The following ATP8A2 variants were observed in gnomAD, a reference collection of about 807,000 sequenced individuals.
ATP8A2 encodes the protein ATPase phospholipid transporting 8A2.
Under a neutral mutation model 165.6 loss-of-function variants are expected in ATP8A2, and 100 were observed. The observed-to-expected ratio is 0.60, with a 90% CI of 0.51 to 0.71. ATP8A2 has a LOEUF of 0.71. Among genes scored for constraint, ATP8A2 ranks in the 30% least tolerant of loss-of-function variants. The probability of loss-of-function intolerance (pLI) is 0.00; values close to 1 mark genes in which losing one functional copy is unlikely to be tolerated. For synonymous variants in ATP8A2, 543 were observed against 548.8 expected, an observed-to-expected ratio of 0.99 and a Z score of 0.15; for missense variants, 1,227 against 1,479.5, an observed-to-expected ratio of 0.83 and a Z score of 2.80.
At chr13:25,868,247 G>A (rs1430876639) in intron 33 of ATP8A2, 3 of 374,498 alleles carry the variant, frequency 8.0e-6, no homozygotes, top group South Asian at 3.9e-5. Context: ...AATTACTTTA[G>A]CACTGCAATT....
At chr13:25,655,264 A>G (rs375404435) in intron 24 of ATP8A2, among the ~76,000 whole-genome samples, 1 of 152,128 alleles carries the variant, frequency 6.6e-6, no homozygotes, top group East Asian at 1.9e-4. Flanking sequence ...GGTTCAAGCA[A>G]TCCTCCTGCC....
intron 33 of ATP8A2, among the ~76,000 whole-genome samples, chr13:25,937,362 C>CTTTT (rs1555293658): frequency 4.9e-4 from 19 of 38,782 alleles, no homozygotes; most frequent in Non-Finnish European, 5.5e-4. Flanking sequence ...TTCTTTCTTT[C>CTTTT]TTTTTTTTTT....
At chr13:25,640,127 A>G (rs1417290674) in intron 24 of ATP8A2, among the ~76,000 whole-genome samples, 1 of 152,210 alleles carries the variant, frequency 6.6e-6, no homozygotes, top group East Asian at 1.9e-4. Flanking sequence ...AATTTATAGC[A>G]CTAAATGCCC....
At chr13:25,946,626 C>T (rs1283026429) in intron 33 of ATP8A2, among the ~76,000 whole-genome samples, 1 of 152,192 alleles carries the variant, frequency 6.6e-6, no homozygotes, top group East Asian at 1.9e-4. Context: ...CGAGGGCACA[C>T]CCTGGGAGGC....
intron 33 of ATP8A2, among the ~76,000 whole-genome samples, chr13:25,906,200 C>G (rs990883233): frequency 1.3e-5 from 2 of 152,030 alleles, no homozygotes; most frequent in African/African-American, 4.8e-5. Flanking sequence ...TATTCCTCCC[C>G]CTTTATTTGC....
chr13:25,886,848 C>G (rs994666665), intron 33 of ATP8A2, among the ~76,000 whole-genome samples: 1 of 152,184 alleles, frequency 6.6e-6, no homozygotes, highest in Non-Finnish European at 1.5e-5. Flanking sequence ...CTTAGTACTA[C>G]ATAGGCTTTA....
intron 32 of ATP8A2, 40 bp downstream of exon 32, chr13:25,860,900 T>C (rs374598355): frequency 5.9e-6 from 8 of 1,352,736 alleles, no homozygotes; most frequent in African/African-American, 1.4e-5. Context: ...TCAGTATAGA[T>C]ATTTTTCATG....
chr13:25,845,948 G>A (rs1365643426), intron 30 of ATP8A2, among the ~76,000 whole-genome samples: 1 of 152,202 alleles, frequency 6.6e-6, no homozygotes, highest in Non-Finnish European at 1.5e-5. Flanking sequence ...GGCCGAGGCA[G>A]GCAGATCACC....
At chr13:25,671,233 T>G (rs2042256024) in intron 24 of ATP8A2, among the ~76,000 whole-genome samples, 1 of 152,194 alleles carries the variant, frequency 6.6e-6, no homozygotes, top group African/African-American at 2.4e-5. Context: ...TGTCTTTACT[T>G]TAGTCTCTCA....
chr13:25,715,404 C>T (rs547336455), intron 25 of ATP8A2, among the ~76,000 whole-genome samples: 5 of 152,290 alleles, frequency 3.3e-5, no homozygotes, highest in African/African-American at 7.2e-5. Flanking sequence ...AATTAGTATA[C>T]TCATACAGCA....
In ATP8A2 at chr13:25,404,945, G is replaced by A. The variant is rs188224258; in HGVS notation, c.76+32657G>A. ...AACCTCAACATCTAAGGGAGAAGCA[G>A]AGAGAGGAAGAGAAAGCTAGAAATG... On this transcript the variant is annotated intron_variant, in intron 1 of 36. Transcript: ENST00000381655. 1.2e-3 allele frequency among the ~76,000 whole-genome samples: 177 copies of A among 152,308 alleles called. 1 individual carries two copies. The highest frequency in any genetic ancestry group is 4.1e-3 in the African/African-American group (171 of 41,560).
intron 1 of ATP8A2, among the ~76,000 whole-genome samples, chr13:25,457,965 T>C (rs1318090569): frequency 1.3e-5 from 2 of 152,216 alleles, no homozygotes; most frequent in Non-Finnish European, 2.9e-5. Flanking sequence ...GGGTTAAGAC[T>C]GCTGATGGAA....
At position 25,536,396 on chromosome 13, in the gene ATP8A2, G is replaced by A. The variant is rs9581380; in HGVS notation, c.508-1592G>A. ...CTCCCAAAGTGTTGGGATTATAGGCGTGAGCCACTGTGCCTGGCCAAAATA... is the reference window on the plus strand; with the variant it reads ...CTCCCAAAGTGTTGGGATTATAGGCATGAGCCACTGTGCCTGGCCAAAATA... On this transcript the variant is annotated intron_variant, in intron 6 of 36. Transcript: ENST00000381655. Among the ~76,000 whole-genome samples, 818 of 152,176 alleles carry A rather than the reference G, an allele frequency of 5.4e-3. 10 individuals carry two copies. The highest frequency in any genetic ancestry group is 0.017 in the Middle Eastern group (5 of 294).
intron 32 of ATP8A2, among the ~76,000 whole-genome samples, chr13:25,861,913 A>G (rs180824401): frequency 6.6e-6 from 1 of 152,334 alleles, no homozygotes; most frequent in Admixed American, 6.5e-5. Flanking sequence ...GATAAATAAA[A>G]ACATCTTATT....
At chr13:25,690,369 G>A (rs866860149) in intron 24 of ATP8A2, among the ~76,000 whole-genome samples, 3 of 151,708 alleles carry the variant, frequency 2.0e-5, no homozygotes, top group Middle Eastern at 3.4e-3. Context: ...GGAAAACGTG[G>A]GTTTTTAAGA....
rs57658384 is a variant in ATP8A2 at position 25,707,337 on chromosome 13, TC to T, written c.2384+7993del. Among the ~76,000 whole-genome samples, 336 of 152,368 alleles carry T rather than the reference TC, an allele frequency of 2.2e-3. 1 individual carries two copies. Among genetic ancestry groups the T allele is most frequent in the African/African-American group, 7.5e-3 (313 of 41,598 alleles). On this transcript the variant is annotated intron_variant, in intron 25 of 36. Coordinates refer to ENST00000381655, the MANE Select transcript of ATP8A2 (RefSeq NM_016529.6). ...GCAGCAAATAATTTATATGAATTAC[TC>T]TATAAGATCAATTTCTAACTGTTAG...
Position 25,454,121 on chromosome 13 carries a change from C to CT in ATP8A2, c.77-14855dup, listed in dbSNP as rs2035299461. On this transcript the variant is annotated intron_variant, in intron 1 of 36. Transcript: ENST00000381655. ...GAGTGAACTGCATGGTCTCTTGGCA[C>CT]TGTGGAGCATGTCACTCAGGGGCGA... 5.3e-5 allele frequency among the ~76,000 whole-genome samples: 8 copies of CT among 152,162 alleles called. No homozygotes were observed. The South Asian group carries it at 1.7e-3, about 32-fold the overall frequency.
In ATP8A2 at chr13:25,642,490, A is replaced by G. The variant is rs191456473; in HGVS notation, c.2211+52791A>G. Among the ~76,000 whole-genome samples the G allele has an allele frequency of 6.6e-4, 100 of 152,260 alleles. 1 individual carries two copies. Among genetic ancestry groups the G allele is most frequent in the African/African-American group, 2.1e-3 (89 of 41,558 alleles). On this transcript the variant is annotated intron_variant, in intron 24 of 36. Transcript: ENST00000381655. Reference sequence around the variant, plus strand: ...ACATTTATGCAGCCAACAGACACATAAAAAATGCTCATAATCACTGGCCAT... The same window carrying G: ...ACATTTATGCAGCCAACAGACACATGAAAAATGCTCATAATCACTGGCCAT...
Position 25,372,573 on chromosome 13 carries a change from C to T in ATP8A2, c.76+285C>T, listed in dbSNP as rs1032489819. 2.0e-5 allele frequency among the ~76,000 whole-genome samples: 3 copies of T among 152,176 alleles called. No individual in the cohort carries two copies. The highest frequency in any genetic ancestry group is 7.2e-5 in the African/African-American group (3 of 41,442). On this transcript the variant is annotated intron_variant, in intron 1 of 36. Coordinates refer to ENST00000381655, the MANE Select transcript of ATP8A2 (RefSeq NM_016529.6). This position sits in a 1 kb window ranked among gnomAD's most constrained non-coding sequence, Gnocchi z 4.8. ...AGATGTGTGTGTGTGTGTGCGGCCT[C>T]CCTGTGCGCGTGCCCGTGCGCCCCT...
Sources: allele counts gnomAD v4.1 joint callset (sites outside exome capture counted in the v4.1 genomes callset), GRCh38; gene constraint gnomAD v4.1.1; non-coding constraint Gnocchi (gnomAD v3.1); transcripts MANE v1.5; gene names NCBI Gene and HGNC (gene_info 2026-07-23, HGNC 2026-07-21).